Variants in RB1 observed in about 807,000 individuals in gnomAD.
RB1 encodes the protein retinoblastoma-associated protein.
A neutral mutation model predicts 135.4 loss-of-function variants in RB1; 18 were observed. That is an observed-to-expected ratio of 0.13 (90% CI 0.09 to 0.20). The LOEUF (loss-of-function observed/expected upper bound fraction) is 0.20. RB1 is among the 10% of genes least tolerant of loss of function. RB1 has a pLI of 1.00. For missense variants in RB1, 868 were observed against 1,110.0 expected, an observed-to-expected ratio of 0.78 and a Z score of 3.10; for synonymous variants, 365 against 373.2, an observed-to-expected ratio of 0.98 and a Z score of 0.25.
chr13:48,367,290 A>G (rs1050454946), intron 9 of RB1, among the ~76,000 whole-genome samples: 1 of 152,134 alleles, frequency 6.6e-6, no homozygotes, highest in African/African-American at 2.4e-5. Flanking sequence ...CACGAAATAG[A>G]CCTAAAATCA....
chr13:48,454,350 T>G (rs1949347254), intron 18 of RB1, among the ~76,000 whole-genome samples: 1 of 152,252 alleles, frequency 6.6e-6, no homozygotes, highest in African/African-American at 2.4e-5. Context: ...GATGTCATTT[T>G]CATGCTAACT....
At chr13:48,342,748 A>G (rs1439362428) in intron 3 of RB1, 34 bp downstream of exon 3, 9 of 1,410,854 alleles carry the variant, frequency 6.4e-6, no homozygotes, top group African/African-American at 2.8e-5. Context: ...AGCCTCTGCC[A>G]TAAAAGGAAA....
chr13:48,397,606 A>G (rs1377933868), intron 17 of RB1, among the ~76,000 whole-genome samples: 1 of 152,198 alleles, frequency 6.6e-6, no homozygotes, highest in African/African-American at 2.4e-5. Flanking sequence ...ACAAACCTGC[A>G]CATTCTGCAC....
intron 2 of RB1, chr13:48,317,002 C>A: frequency 3.8e-6 from 2 of 524,020 alleles, no homozygotes; most frequent in South Asian, 2.4e-5. Context: ...TACCTCAGGT[C>A]TAAAATGCTT....
chr13:48,477,361 T>C lies in RB1; in HGVS notation c.2670T>C (p.His890=), dbSNP rs758547395. The change falls in exon 26 of 27, where the codon CAT becomes CAC. Residue 890 remains histidine (H), a synonymous_variant. Coordinates refer to ENST00000267163, the MANE Select transcript of RB1 (RefSeq NM_000321.3). ...EGSDEADGSK[H]LPGESKFQQK... is the part of the protein sequence containing the mutation. The stretch of plus-strand genomic sequence containing the variant: ...GCATTTTTTTAATCTGCAGTAAACA[T>C]CTCCCAGGAGAGTCCAAATTTCAGC... 3.7e-6 allele frequency: 6 copies of C among 1,608,660 alleles called. No homozygotes were observed. In the African/African-American group the frequency reaches 5.3e-5, roughly 14 times the overall value.
intron 2 of RB1, chr13:48,318,548 G>A: frequency 2.7e-6 from 2 of 750,976 alleles, no homozygotes; most frequent in Non-Finnish European, 2.2e-6. Flanking sequence ...CCCCTCCCGG[G>A]ACCTCGCTGG....
chr13:48,446,472 A>G (rs2138319028), intron 17 of RB1, among the ~76,000 whole-genome samples: 1 of 152,340 alleles, frequency 6.6e-6, no homozygotes, highest in East Asian at 1.9e-4. Context: ...TAGTAGCGAG[A>G]TAATAAATAA....
chr13:48,381,716 T>G lies in RB1; in HGVS notation c.1695+273T>G, dbSNP rs540672435. ...AACAAAACGGATTTTTTTTTTATACTTTAAGTTCTAGGGTACATGTGCACA... is the reference window on the plus strand; with the variant it reads ...AACAAAACGGATTTTTTTTTTATACGTTAAGTTCTAGGGTACATGTGCACA... On this transcript the variant is annotated intron_variant, in intron 17 of 26. Coordinates refer to ENST00000267163, the MANE Select transcript of RB1 (RefSeq NM_000321.3). 3.4e-3 allele frequency among the ~76,000 whole-genome samples: 518 copies of G among 152,326 alleles called. 7 individuals carry two copies. The highest frequency in any genetic ancestry group is 0.012 in the African/African-American group (503 of 41,576).
At chr13:48,439,966 G>A (rs1410425016) in intron 17 of RB1, among the ~76,000 whole-genome samples, 3 of 152,120 alleles carry the variant, frequency 2.0e-5, no homozygotes, top group Admixed American at 1.3e-4. Context: ...ATAGATACAT[G>A]CATACATATA....
At chr13:48,355,539 T>C (rs1471869497) in intron 6 of RB1, among the ~76,000 whole-genome samples, 1 of 152,040 alleles carries the variant, frequency 6.6e-6, no homozygotes, top group Admixed American at 6.6e-5. Context: ...AAAATTGAGC[T>C]ACCATATTAT....
intron 19 of RB1, among the ~76,000 whole-genome samples, chr13:48,457,525 C>T (rs198578): frequency 6.6e-6 from 1 of 152,182 alleles, no homozygotes; most frequent in African/African-American, 2.4e-5. Flanking sequence ...GGACTGGCAG[C>T]GCCCACCCCC....
At chr13:48,436,169 A>G (rs905188190) in intron 17 of RB1, among the ~76,000 whole-genome samples, 1 of 152,226 alleles carries the variant, frequency 6.6e-6, no homozygotes, top group Non-Finnish European at 1.5e-5. Context: ...TTGAAAGACC[A>G]TCTCATAGCT....
At chr13:48,466,532 C>G (rs972251886) in intron 23 of RB1, among the ~76,000 whole-genome samples, 3 of 152,050 alleles carry the variant, frequency 2.0e-5, no homozygotes, top group African/African-American at 7.2e-5. Context: ...CAGTTCCTCA[C>G]CAGCAACGGA....
intron 6 of RB1, among the ~76,000 whole-genome samples, chr13:48,358,233 G>A (rs1952610011): frequency 6.6e-6 from 1 of 152,028 alleles, no homozygotes; most frequent in Non-Finnish European, 1.5e-5. Context: ...TTCTCTGTCT[G>A]ATTTTTTTCC....
rs886449283 is a variant in RB1, at chr13:48,360,069, A to G, written c.660A>G (p.Leu220=). The change falls in exon 7 of 27, where the codon CTA becomes CTG. Residue 220 remains leucine (L), a synonymous_variant. Transcript: ENST00000267163. ...TGGTGATTTCATTTCAGTTAATGCT[A>G]TGTGTCCTTGACTATTTTATTAAAC... ...DDLVISFQLM[L]CVLDYFIKLS... 3 of 1,612,712 alleles carry G rather than the reference A, an allele frequency of 1.9e-6. No individual in the cohort carries two copies. The South Asian group carries it at 3.3e-5, about 18-fold the overall frequency.
intron 17 of RB1, among the ~76,000 whole-genome samples, chr13:48,452,723 T>C (rs904113300): frequency 6.6e-6 from 1 of 152,180 alleles, no homozygotes; most frequent in Non-Finnish European, 1.5e-5. Context: ...CTTCGTTTTT[T>C]TTCTGTCTTT....
intron 17 of RB1, among the ~76,000 whole-genome samples, chr13:48,436,186 T>A (rs532442196): frequency 1.3e-5 from 2 of 152,264 alleles, no homozygotes; most frequent in East Asian, 3.9e-4. Flanking sequence ...AGCTGGTTGG[T>A]GATGAAGGAA....
At position 48,458,857 on chromosome 13, in the gene RB1, T is replaced by C. The variant is rs529389390; in HGVS notation, c.1961-831T>C. ...AAACTAAATAAATTACATATTGCAG[T>C]CATTTTACATATAGGTAATCTACAA... On this transcript the variant is annotated intron_variant, in intron 19 of 26. Coordinates refer to ENST00000267163, the MANE Select transcript of RB1 (RefSeq NM_000321.3). 2.6e-5 allele frequency among the ~76,000 whole-genome samples: 4 copies of C among 152,356 alleles called. No homozygotes were observed. The South Asian group carries it at 8.3e-4, about 32-fold the overall frequency.
At chr13:48,356,213 TA>T (rs1349396778) in intron 6 of RB1, among the ~76,000 whole-genome samples, 3 of 152,010 alleles carry the variant, frequency 2.0e-5, no homozygotes, top group Non-Finnish European at 4.4e-5. Flanking sequence ...AATTAAAATT[TA>T]AAAAATTATG....
Sources: gnomAD v4.1 joint callset for allele counts (sites outside exome capture counted in the v4.1 genomes callset) on GRCh38, gnomAD v4.1.1 for gene constraint, MANE v1.5 for transcripts, NCBI Gene and HGNC (gene_info 2026-07-23, HGNC 2026-07-21) for gene names.